The following TACR3 variants were observed in gnomAD, a reference collection of about 807,000 sequenced individuals.
TACR3 encodes the protein neuromedin-K receptor.
TACR3 carries 34 observed loss-of-function variants against 35.0 expected under a neutral mutation model. That is an observed-to-expected ratio of 0.97 (90% CI 0.74 to 1.30). The LOEUF (loss-of-function observed/expected upper bound fraction) is 1.30. Ranked by LOEUF, TACR3 falls within the 50% of genes most tolerant of loss-of-function variation. The pLI, the probability that TACR3 is intolerant of heterozygous loss-of-function variation, is 0.00. For synonymous variants in TACR3, 233 were observed against 221.1 expected (o/e 1.05, Z -0.48); for missense variants, 558 against 591.7 (o/e 0.94, Z 0.59).
intron 1 of TACR3, among the ~76,000 whole-genome samples, chr4:103,661,777 T>C (rs1367838655): frequency 1.3e-5 from 2 of 152,160 alleles, no homozygotes; most frequent in Non-Finnish European, 2.9e-5. Context: ...TTAGTGATAG[T>C]AGAGATACTG....
intron 1 of TACR3, among the ~76,000 whole-genome samples, chr4:103,682,617 G>T (rs907237827): frequency 2.6e-5 from 4 of 152,082 alleles, no homozygotes; most frequent in Non-Finnish European, 5.9e-5. Flanking sequence ...TTTGGGTGGG[G>T]ACACAGAGCC....
chr4:103,639,576 A>C (rs1350699217), intron 3 of TACR3, among the ~76,000 whole-genome samples: 1 of 152,050 alleles, frequency 6.6e-6, no homozygotes, highest in Non-Finnish European at 1.5e-5. Flanking sequence ...ATGTACCCTA[A>C]AACTTAAAGT....
At chr4:103,606,509 G>T (rs1157911454) in intron 3 of TACR3, among the ~76,000 whole-genome samples, 4 of 152,118 alleles carry the variant, frequency 2.6e-5, no homozygotes, top group Non-Finnish European at 2.9e-5. Context: ...ACTGAGCAGT[G>T]GTTTGTAGTT....
intron 1 of TACR3, among the ~76,000 whole-genome samples, chr4:103,694,501 G>A (rs951292016): frequency 6.6e-6 from 1 of 152,002 alleles, no homozygotes; most frequent in Admixed American, 6.6e-5. Flanking sequence ...ACCAAGTTCC[G>A]TTTTTTAGCC....
intron 1 of TACR3, among the ~76,000 whole-genome samples, chr4:103,689,530 T>TAAC (rs150003475): frequency 8.6e-4 from 131 of 151,712 alleles, no homozygotes; most frequent in Middle Eastern, 3.4e-3. Flanking sequence ...CTGAAAAGTA[T>TAAC]AACAACAACA....
intron 3 of TACR3, among the ~76,000 whole-genome samples, chr4:103,610,452 A>C (rs1724489814): frequency 2.0e-5 from 3 of 151,762 alleles, no homozygotes; most frequent in Admixed American, 2.0e-4. Context: ...CAGATCCTTT[A>C]TCCATTTTTA....
intron 3 of TACR3, among the ~76,000 whole-genome samples, chr4:103,650,669 AAT>A (rs1318064528): frequency 9.8e-5 from 2 of 20,318 alleles, no homozygotes; most frequent in South Asian, 1.2e-3. Context: ...TATATAAATA[AAT>A]ATATATTATA....
chr4:103,650,336 C>T (rs900535958), intron 3 of TACR3, among the ~76,000 whole-genome samples: 1 of 150,488 alleles, frequency 6.6e-6, no homozygotes, highest in African/African-American at 2.4e-5. Context: ...GTTTTAATCA[C>T]CATCTGGAGA....
At chr4:103,607,887 T>C (rs1391845882) in intron 3 of TACR3, among the ~76,000 whole-genome samples, 1 of 152,124 alleles carries the variant, frequency 6.6e-6, no homozygotes. Flanking sequence ...GGTTTTCCTC[T>C]CCTTTAGGAG....
chr4:103,719,877 G>T lies in TACR3; in HGVS notation c.-202C>A, dbSNP rs185754176. ...GCAACAGCTGCACTTTCTCAGAGGCGCTTGCGGCTCTGGCAGGCAGAAAGA... is the reference window on the plus strand; with the variant it reads ...GCAACAGCTGCACTTTCTCAGAGGCTCTTGCGGCTCTGGCAGGCAGAAAGA... On this transcript the variant is annotated 5_prime_UTR_variant, in exon 1 of 5. Coordinates refer to ENST00000304883, the MANE Select transcript of TACR3 (RefSeq NM_001059.3). 545 of 644,650 alleles carry T rather than the reference G, an allele frequency of 8.5e-4. 1 individual carries two copies. In the African/African-American group the frequency reaches 8.7e-3, roughly 10 times the overall value. The allele number at this position is 644,650 out of a possible 1,614,324, so 39.9% of individuals were successfully genotyped here.
At chr4:103,708,276 A>G (rs1722845476) in intron 1 of TACR3, among the ~76,000 whole-genome samples, 3 of 152,108 alleles carry the variant, frequency 2.0e-5, no homozygotes, top group Admixed American at 2.0e-4. Flanking sequence ...TGACACCTCA[A>G]ACAGCCAGGT....
chr4:103,638,360 A>G lies in TACR3; in HGVS notation c.888+17834T>C, dbSNP rs553461667. Among the ~76,000 whole-genome samples the G allele has an allele frequency of 1.1e-4, 16 of 152,112 alleles. No homozygotes were observed. In the East Asian group the frequency reaches 2.9e-3, roughly 28 times the overall value. On this transcript the variant is annotated intron_variant, in intron 3 of 4. Transcript: ENST00000304883. ...GGGGAAAGGATTCCCTATTTAATCAATGGTGCTGGGAAAACTGGCTAGCCA... is the reference window on the plus strand; with the variant it reads ...GGGGAAAGGATTCCCTATTTAATCAGTGGTGCTGGGAAAACTGGCTAGCCA...
At position 103,603,960 on chromosome 4, in the gene TACR3, A is replaced by G. The variant is rs548604802; in HGVS notation, c.889-12277T>C. 1.8e-3 allele frequency among the ~76,000 whole-genome samples: 269 copies of G among 152,338 alleles called. 2 individuals are homozygous for G. Among genetic ancestry groups the G allele is most frequent in the African/African-American group, 6.4e-3 (265 of 41,582 alleles). ...GAATCAGTATCTTGAAAATGGCCAT[A>G]CTGCCCAAAGTAATTTATAGATTCA... is the stretch of plus-strand genomic sequence containing the variant. On this transcript the variant is annotated intron_variant, in intron 3 of 4. Transcript: ENST00000304883.
intron 1 of TACR3, among the ~76,000 whole-genome samples, chr4:103,671,043 C>G (rs80206548): frequency 6.6e-6 from 1 of 151,820 alleles, no homozygotes; most frequent in Non-Finnish European, 1.5e-5. Context: ...TTACCAAATG[C>G]TTTTTTAGCA....
At chr4:103,700,868 T>A (rs1578263460) in intron 1 of TACR3, among the ~76,000 whole-genome samples, 1 of 152,290 alleles carries the variant, frequency 6.6e-6, no homozygotes, top group Non-Finnish European at 1.5e-5. Context: ...TGCTAAAAAC[T>A]CAATAAATTA....
At chr4:103,700,002 T>C (rs1722608555) in intron 1 of TACR3, among the ~76,000 whole-genome samples, 1 of 152,192 alleles carries the variant, frequency 6.6e-6, no homozygotes, top group African/African-American at 2.4e-5. Flanking sequence ...TTTATTTCAG[T>C]GTGCCCCATA....
At chr4:103,639,154 G>C (rs56861567) in intron 3 of TACR3, among the ~76,000 whole-genome samples, 1 of 151,916 alleles carries the variant, frequency 6.6e-6, no homozygotes, top group Non-Finnish European at 1.5e-5. Flanking sequence ...TGTTTATTGC[G>C]GCACTATTCA....
chr4:103,587,895 G>A lies in TACR3; in HGVS notation c.*1787C>T, dbSNP rs1347575326. On this transcript the variant is annotated 3_prime_UTR_variant, in exon 5 of 5. Transcript: ENST00000304883. ...ATTGAGCATATGGCAATGCTGTAAT[G>A]ACCACTTATCATTTCAGTATTTGAT... 6.6e-6 allele frequency: 1 copy of A among 151,910 alleles called. No homozygotes were observed. The highest frequency in any genetic ancestry group is 1.5e-5 in the Non-Finnish European group (1 of 67,940). The allele number at this position is 151,910 out of a possible 1,614,324, so 9.4% of individuals were successfully genotyped here.
intron 1 of TACR3, among the ~76,000 whole-genome samples, chr4:103,675,046 T>C (rs1726139102): frequency 6.6e-6 from 1 of 152,226 alleles, no homozygotes; most frequent in African/African-American, 2.4e-5. Flanking sequence ...AAATGAACAC[T>C]TTTTTGAGTA....
Sources: allele counts gnomAD v4.1 joint callset (sites outside exome capture counted in the v4.1 genomes callset), GRCh38; gene constraint gnomAD v4.1.1; transcripts MANE v1.5; gene names NCBI Gene and HGNC (gene_info 2026-07-23, HGNC 2026-07-21).